Variants in PPP5C observed in about 807,000 individuals in gnomAD.
PPP5C encodes the protein serine/threonine-protein phosphatase 5.
PPP5C carries 21 observed loss-of-function variants against 66.7 expected under a neutral mutation model. The ratio of observed to expected loss-of-function variants is 0.31; its 90% CI spans 0.22 to 0.45. The LOEUF (loss-of-function observed/expected upper bound fraction) is 0.45, where lower values mean the gene tolerates loss of function less well. Among genes scored for constraint, PPP5C ranks in the 20% least tolerant of loss-of-function variants. The pLI, the probability that PPP5C is intolerant of heterozygous loss-of-function variation, is 1.00. For missense variants in PPP5C, 464 were observed against 675.9 expected (o/e 0.69, Z 3.48); for synonymous variants, 246 against 257.4 (o/e 0.96, Z 0.43).
In PPP5C at chr19:46,388,199, C is replaced by A; in HGVS notation, c.1136-209C>A. 1 of 563,214 alleles carries A rather than the reference C, an allele frequency of 1.8e-6. No homozygotes were observed. The highest frequency in any genetic ancestry group is 2.7e-5 in the South Asian group (1 of 36,702). 34.9% of individuals were successfully genotyped at this position (563,214 alleles called of 1,614,324 possible). The stretch of plus-strand genomic sequence containing the variant: ...GGGGCCACAGGGGATTGAATGGGGT[C>A]TGGAGGGCAGATCAGCAGAGAGGGT... On this transcript the variant is annotated intron_variant, in intron 9 of 12. Transcript: ENST00000012443. This position sits in a 1 kb window ranked among gnomAD's most constrained non-coding sequence, Gnocchi z 4.9.
intron 2 of PPP5C, among the ~76,000 whole-genome samples, chr19:46,355,275 GC>G (rs34946932): frequency 1.4e-5 from 2 of 141,380 alleles, no homozygotes; most frequent in Non-Finnish European, 3.1e-5. Flanking sequence ...TTGTTATCCT[GC>G]CCCCCGACAC....
intron 7 of PPP5C, 78 bp downstream of exon 7, chr19:46,384,987 C>T (rs1487398112): frequency 2.6e-6 from 3 of 1,151,542 alleles, no homozygotes; most frequent in Non-Finnish European, 3.9e-6. Context: ...ATAATAGTTG[C>T]AGCTGTATTT....
chr19:46,352,810 A>G (rs1601410774), intron 1 of PPP5C, among the ~76,000 whole-genome samples: 1 of 124,874 alleles, frequency 8.0e-6, no homozygotes, highest in East Asian at 2.4e-4. Flanking sequence ...ACAGAGCGAG[A>G]CTCCATCTCA....
At position 46,376,117 on chromosome 19, in the gene PPP5C, C is replaced by G. The variant is rs867708013; in HGVS notation, c.512-336C>G. On this transcript the variant is annotated intron_variant, in intron 3 of 12. Transcript: ENST00000012443. This position sits in a 1 kb window ranked among gnomAD's most constrained non-coding sequence, Gnocchi z 5.1. ...CATCTCCTATGTGCCCGGCACTGTC[C>G]TAGGCACTAGGGGTACAGCTATGAA... 1.3e-5 allele frequency among the ~76,000 whole-genome samples: 2 copies of G among 152,168 alleles called. No individual in the cohort carries two copies. Among genetic ancestry groups the G allele is most frequent in the South Asian group, 2.1e-4 (1 of 4,828 alleles).
chr19:46,383,078 G>A lies in PPP5C; in HGVS notation c.634-333G>A, dbSNP rs1204381205. 12 of 1,135,518 alleles carry A rather than the reference G, an allele frequency of 1.1e-5. No homozygotes were observed. The highest frequency in any genetic ancestry group is 8.1e-5 in the South Asian group (5 of 61,914). The allele number at this position is 1,135,518 out of a possible 1,614,324, so 70.3% of individuals were successfully genotyped here. On this transcript the variant is annotated intron_variant, in intron 4 of 12. Transcript: ENST00000012443. The surrounding 1 kb of genome is among the most constrained non-coding windows in gnomAD (Gnocchi z 5.0). ...GACTCTTTTATGACAGTGACATTGC[G>A]CTGTGTCCAGGCCAGTTCTTTTATA...
Position 46,376,831 on chromosome 19 carries a change from A to G in PPP5C, c.633+257A>G, listed in dbSNP as rs1972705265. On this transcript the variant is annotated intron_variant, in intron 4 of 12. Coordinates refer to ENST00000012443, the MANE Select transcript of PPP5C (RefSeq NM_006247.4). The surrounding 1 kb of genome is among the most constrained non-coding windows in gnomAD (Gnocchi z 5.1). ...GCCAGAGAGGTCAGGTGACTGGCCC[A>G]GGGTGAAAGGTGAGGAAGCAGTAGA... 2.5e-6 allele frequency: 1 copy of G among 406,008 alleles called. No homozygotes were observed. The highest frequency in any genetic ancestry group is 4.5e-6 in the Non-Finnish European group (1 of 221,478). 25.2% of individuals were successfully genotyped at this position (406,008 alleles called of 1,614,324 possible).
chr19:46,353,997 G>C lies in PPP5C; in HGVS notation c.363+8G>C. ...CTGCGAGACTACGAGACGGTGAGCT[G>C]GGGAGTGGGCCAGGCCTGGCACCTG... is the stretch of plus-strand genomic sequence containing the variant. On this transcript the variant is annotated splice_region_variant and intron_variant, in intron 2 of 12. Transcript: ENST00000012443. 1.2e-6 allele frequency: 2 copies of C among 1,610,516 alleles called. No homozygotes were observed. The highest frequency in any genetic ancestry group is 1.7e-6 in the Non-Finnish European group (2 of 1,179,312).
rs113038925 is a variant in PPP5C at position 46,374,358 on chromosome 19, G to C, written c.364-1246G>C. On this transcript the variant is annotated intron_variant, in intron 2 of 12. Coordinates refer to ENST00000012443, the MANE Select transcript of PPP5C (RefSeq NM_006247.4). ...GGCCACCCCTGCTCCTTGAGGGCCG[G>C]CCCTGGGACCTCCCAGTCTGTCCTC... Among the ~76,000 whole-genome samples, 324 of 152,268 alleles carry C rather than the reference G, an allele frequency of 2.1e-3. 4 individuals carry two copies. The highest frequency in any genetic ancestry group is 7.2e-3 in the African/African-American group (299 of 41,536).
At chr19:46,375,563 C>T in intron 2 of PPP5C, 41 bp from the exon 3 acceptor site, 2 of 1,608,748 alleles carry the variant, frequency 1.2e-6, no homozygotes, top group South Asian at 1.1e-5. Flanking sequence ...GCTGTGCCCC[C>T]ACCTCAGCCT....
intron 2 of PPP5C, among the ~76,000 whole-genome samples, chr19:46,362,840 T>C (rs980019550): frequency 6.6e-6 from 1 of 151,176 alleles, no homozygotes; most frequent in African/African-American, 2.4e-5. Context: ...CAGGCTGGAG[T>C]GCAGTGGCGC....
Position 46,388,220 on chromosome 19 carries a change from A to G in PPP5C, c.1136-188A>G. 1.7e-6 allele frequency: 1 copy of G among 599,994 alleles called. No individual in the cohort carries two copies. The highest frequency in any genetic ancestry group is 2.9e-6 in the Non-Finnish European group (1 of 347,450). 37.2% of individuals were successfully genotyped at this position (599,994 alleles called of 1,614,324 possible). A position where few individuals can be genotyped will look rare whatever the true frequency, so the allele number is the denominator to read the frequency against. ...GGGTCTGGAGGGCAGATCAGCAGAGAGGGTGGGGGTGGCTCAGAATCACAG... is the reference window on the plus strand; with the variant it reads ...GGGTCTGGAGGGCAGATCAGCAGAGGGGGTGGGGGTGGCTCAGAATCACAG... On this transcript the variant is annotated intron_variant, in intron 9 of 12. Transcript: ENST00000012443. This position sits in a 1 kb window ranked among gnomAD's most constrained non-coding sequence, Gnocchi z 4.9.
intron 2 of PPP5C, among the ~76,000 whole-genome samples, chr19:46,361,215 C>T (rs1418365711): frequency 1.4e-5 from 2 of 146,030 alleles, no homozygotes; most frequent in African/African-American, 2.5e-5. Flanking sequence ...CTGCAAGCTC[C>T]ACCTCCCGGA....
rs1972704900 is a variant in PPP5C, at chr19:46,376,788, C to T, written c.633+214C>T. 1 of 581,280 alleles carries T rather than the reference C, an allele frequency of 1.7e-6. No individual in the cohort carries two copies. The highest frequency in any genetic ancestry group is 2.9e-6 in the Non-Finnish European group (1 of 349,026). 36.0% of individuals were successfully genotyped at this position (581,280 alleles called of 1,614,324 possible). A position where few individuals can be genotyped will look rare whatever the true frequency, so the allele number is the denominator to read the frequency against. ...GGAGGTGGCAGGCAGTGCCATTTGA[C>T]AGATGCAGGGACAAAGGGCCAGAGA... On this transcript the variant is annotated intron_variant, in intron 4 of 12. Coordinates refer to ENST00000012443, the MANE Select transcript of PPP5C (RefSeq NM_006247.4). This position sits in a 1 kb window ranked among gnomAD's most constrained non-coding sequence, Gnocchi z 5.1.
rs1369595111 is a variant in PPP5C, at chr19:46,388,462, G to A, written c.1176+14G>A. ...CCACAGCCACAGGTGAGTCTAGGGT[G>A]GGGTGCAGGGCCGGCGGGTGTGGGC... is the stretch of plus-strand genomic sequence containing the variant. On this transcript the variant is annotated intron_variant, in intron 10 of 12. Transcript: ENST00000012443. The surrounding 1 kb of genome is among the most constrained non-coding windows in gnomAD (Gnocchi z 4.9). The A allele has an allele frequency of 1.9e-6, 3 of 1,611,718 alleles. No homozygotes were observed. Among genetic ancestry groups the A allele is most frequent in the African/African-American group, 2.7e-5 (2 of 74,906 alleles).
At chr19:46,355,301 C>T (rs1177348320) in intron 2 of PPP5C, among the ~76,000 whole-genome samples, 1 of 152,210 alleles carries the variant, frequency 6.6e-6, no homozygotes, top group African/African-American at 2.4e-5. Flanking sequence ...ACACTTCACT[C>T]CCTCCTTCCC....
intron 1 of PPP5C, among the ~76,000 whole-genome samples, chr19:46,352,919 G>A (rs538720017): frequency 1.8e-4 from 28 of 152,228 alleles, no homozygotes; most frequent in Admixed American, 9.2e-4. Flanking sequence ...TGGAGACGGG[G>A]GTTAATGTAG....
At chr19:46,363,192 C>A (rs1220026112) in intron 2 of PPP5C, among the ~76,000 whole-genome samples, 1 of 138,416 alleles carries the variant, frequency 7.2e-6, no homozygotes, top group African/African-American at 2.6e-5. Flanking sequence ...CCTGTAGTCC[C>A]AGCTACTTGG....
At chr19:46,373,888 C>T (rs1162854508) in intron 2 of PPP5C, among the ~76,000 whole-genome samples, 1 of 152,048 alleles carries the variant, frequency 6.6e-6, no homozygotes, top group Non-Finnish European at 1.5e-5. Flanking sequence ...GCTGGAGGTG[C>T]AAATGAGGTG....
At chr19:46,371,159 T>C (rs1165974019) in intron 2 of PPP5C, among the ~76,000 whole-genome samples, 3 of 152,172 alleles carry the variant, frequency 2.0e-5, no homozygotes, top group Non-Finnish European at 2.9e-5. Context: ...CTGTCTATGC[T>C]TGGAACTTGG....
Sources: gnomAD v4.1 joint callset for allele counts (sites outside exome capture counted in the v4.1 genomes callset) on GRCh38, gnomAD v4.1.1 for gene constraint, Gnocchi (gnomAD v3.1) non-coding constraint, MANE v1.5 for transcripts, NCBI Gene and HGNC (gene_info 2026-07-23, HGNC 2026-07-21) for gene names.